Variants in SLCO1A2 observed in about 807,000 individuals in gnomAD.
SLCO1A2 encodes solute carrier organic anion transporter family member 1A2.
A neutral mutation model predicts 69.0 loss-of-function variants in SLCO1A2; 67 were observed. The observed-to-expected ratio is 0.97, with a 90% CI of 0.80 to 1.19. SLCO1A2 has a LOEUF of 1.19. Among genes scored for constraint, SLCO1A2 ranks in the 50% most tolerant of loss-of-function variants. The probability of loss-of-function intolerance (pLI) is 0.00; values close to 1 mark genes in which losing one functional copy is unlikely to be tolerated. For synonymous variants in SLCO1A2, 260 were observed against 265.9 expected, an observed-to-expected ratio of 0.98 and a Z score of 0.22; for missense variants, 787 against 793.7, an observed-to-expected ratio of 0.99 and a Z score of 0.10.
At chr12:21,339,760 C>T (rs574945122), upstream of SLCO1A2, among the ~76,000 whole-genome samples, 1 of 152,002 alleles carries the variant, frequency 6.6e-6, no homozygotes, top group African/African-American at 2.4e-5. Flanking sequence ...TCCCCTTCTC[C>T]ACAACCCCAG....
Position 21,306,315 on chromosome 12 carries a change from G to A in SLCO1A2, c.442+567C>T, listed in dbSNP as rs568375873. Among the ~76,000 whole-genome samples, 7 of 151,918 alleles carry A rather than the reference G, an allele frequency of 4.6e-5. No homozygotes were observed. In the South Asian group the frequency reaches 1.5e-3, roughly 32 times the overall value. On this transcript the variant is annotated intron_variant, in intron 5 of 14. Transcript: ENST00000683939. Reference sequence around the variant, plus strand: ...GGGATGAACTTAACAGTGGTCCTTGGATAGATGTCTTTGACTCTTTTTTTT... The same window carrying A: ...GGGATGAACTTAACAGTGGTCCTTGAATAGATGTCTTTGACTCTTTTTTTT...
At chr12:21,321,309 C>T (rs1285024157) in intron 2 of SLCO1A2, among the ~76,000 whole-genome samples, 2 of 152,160 alleles carry the variant, frequency 1.3e-5, no homozygotes, top group Non-Finnish European at 2.9e-5. Context: ...GAAGTTCATG[C>T]TCATCCATGC....
At chr12:21,295,492 C>A in intron 10 of SLCO1A2, 105 bp downstream of exon 10, 1 of 728,262 alleles carries the variant, frequency 1.4e-6, no homozygotes, top group Non-Finnish European at 2.3e-6. Context: ...GGATTACTAT[C>A]ATTAACTCCA....
intron 2 of SLCO1A2, among the ~76,000 whole-genome samples, chr12:21,323,684 C>T (rs566058188): frequency 1.2e-4 from 18 of 152,238 alleles, no homozygotes; most frequent in African/African-American, 4.1e-4. Context: ...GTATCTTTAT[C>T]CTCTCAGTAG....
chr12:21,266,562 C>T lies in SLCO1A2; in HGVS notation c.*2986G>A, dbSNP rs1439236954. 6.6e-6 allele frequency: 1 copy of T among 151,730 alleles called. No individual in the cohort carries two copies. Among genetic ancestry groups the T allele is most frequent in the Non-Finnish European group, 1.5e-5 (1 of 67,914 alleles). The allele number at this position is 151,730 out of a possible 1,614,324, so 9.4% of individuals were successfully genotyped here. On this transcript the variant is annotated 3_prime_UTR_variant, in exon 15 of 15. Transcript: ENST00000683939. ...TAAATGATTCTGATGGCACTATTTC[C>T]ACCCACAGAAGTCATTCTGGTTCTG...
chr12:21,336,482 T>C (rs1952895227), upstream of SLCO1A2, among the ~76,000 whole-genome samples: 1 of 151,948 alleles, frequency 6.6e-6, no homozygotes, highest in Non-Finnish European at 1.5e-5. Flanking sequence ...AAAACTATTA[T>C]CTTAACTGAA....
intron 2 of SLCO1A2, among the ~76,000 whole-genome samples, chr12:21,341,522 G>C (rs761167883): frequency 6.6e-6 from 1 of 151,948 alleles, no homozygotes. Flanking sequence ...ATGTTTTCTT[G>C]TTTCTCTAAT....
rs763933118 is a variant in SLCO1A2, at chr12:21,276,920, A to G, written c.1611-1496T>C. Among the ~76,000 whole-genome samples the G allele has an allele frequency of 1.3e-5, 2 of 152,354 alleles. 1 individual carries two copies. Among genetic ancestry groups the G allele is most frequent in the South Asian group, 4.1e-4 (2 of 4,834 alleles). ...TTGAGTTCCAGCAAGCCTCGCCACC[A>G]TGGGCAAACGTGCTCTCCCTAAATA... On this transcript the variant is annotated intron_variant, in intron 12 of 14. Coordinates refer to ENST00000683939, the MANE Select transcript of SLCO1A2 (RefSeq NM_001386879.1).
exon 1 of SLCO1A2, chr12:21,395,115 G>C (rs982952011): frequency 6.4e-6 from 1 of 157,088 alleles, no homozygotes; most frequent in Non-Finnish European, 1.4e-5. Context: ...GAGGTACCGG[G>C]TTCATCTCAC....
intron 2 of SLCO1A2, among the ~76,000 whole-genome samples, chr12:21,370,488 C>A (rs1254379999): frequency 8.9e-6 from 1 of 112,114 alleles, no homozygotes; most frequent in Non-Finnish European, 1.7e-5. Flanking sequence ...CCTCCCCCGA[C>A]CCCACAACAG....
chr12:21,366,971 A>G (rs866300607), intron 2 of SLCO1A2, among the ~76,000 whole-genome samples: 1 of 152,080 alleles, frequency 6.6e-6, no homozygotes, highest in South Asian at 2.1e-4. Context: ...TCAGAACTAA[A>G]TAACACAAAT....
intron 1 of SLCO1A2, among the ~76,000 whole-genome samples, chr12:21,402,508 A>C (rs1400096986): frequency 6.6e-6 from 1 of 152,102 alleles, no homozygotes; most frequent in Non-Finnish European, 1.5e-5. Flanking sequence ...AATTTTTTGA[A>C]AGATTTATCA....
At position 21,307,110 on chromosome 12, in the gene SLCO1A2, T is replaced by C. The variant is rs183249164; in HGVS notation, c.336-122A>G. ...AATATCCAAATCCAGTAAAAATGGC[T>C]TTTCATCCTTGGCATCCAAGTTATC... On this transcript the variant is annotated intron_variant, in intron 4 of 14. Transcript: ENST00000683939. 8.5e-4 allele frequency: 510 copies of C among 599,326 alleles called. 6 individuals carry two copies. The East Asian group carries it at 0.015, about 17-fold the overall frequency. 37.1% of individuals were successfully genotyped at this position (599,326 alleles called of 1,614,324 possible).
rs753996080 is a variant in SLCO1A2 at position 21,267,352 on chromosome 12, A to C, written c.*2196T>G. On this transcript the variant is annotated 3_prime_UTR_variant, in exon 15 of 15. Coordinates refer to ENST00000683939, the MANE Select transcript of SLCO1A2 (RefSeq NM_001386879.1). ...GACTCAGCTTTCTCAGATCACCTCA[A>C]ATCTATCAATAGGGATGATGAATGG... 2 of 152,206 alleles carry C rather than the reference A, an allele frequency of 1.3e-5. No homozygotes were observed. The highest frequency in any genetic ancestry group is 2.9e-5 in the Non-Finnish European group (2 of 68,060). The allele number at this position is 152,206 out of a possible 1,614,324, so 9.4% of individuals were successfully genotyped here.
intron 1 of SLCO1A2, among the ~76,000 whole-genome samples, chr12:21,415,612 G>A (rs2137211557): frequency 6.6e-6 from 1 of 151,968 alleles, no homozygotes; most frequent in Admixed American, 6.6e-5. Flanking sequence ...CATTTATTGT[G>A]GACCCCAGTG....
rs191400208 is a variant in SLCO1A2, at chr12:21,382,625, G to T, written c.-189-8100C>A. Among the ~76,000 whole-genome samples the T allele has an allele frequency of 6.5e-3, 992 of 151,852 alleles. 6 individuals carry two copies. The highest frequency in any genetic ancestry group is 0.023 in the African/African-American group (943 of 41,432). ...AGCCTGGACAACATGGTGAAACCCC[G>T]TCTCTACAAAAATACAAAAATTAGC... is the stretch of plus-strand genomic sequence containing the variant. On this transcript the variant is annotated intron_variant, in intron 1 of 15. Transcript: ENST00000307378.
intron 10 of SLCO1A2, 134 bp downstream of exon 10, chr12:21,295,463 A>G (rs1012598290): frequency 3.0e-4 from 189 of 638,038 alleles, no homozygotes; most frequent in Admixed American, 4.2e-4. Flanking sequence ...CAGATGGAGG[A>G]AAGATACAGG....
chr12:21,306,360 CTG>C (rs1485294097), intron 5 of SLCO1A2, among the ~76,000 whole-genome samples: 1 of 151,902 alleles, frequency 6.6e-6, no homozygotes, highest in East Asian at 1.9e-4. Flanking sequence ...GAGTCTCACT[CTG>C]TTGCCCAGGC....
intron 1 of SLCO1A2, among the ~76,000 whole-genome samples, chr12:21,408,282 C>A (rs1279378006): frequency 6.6e-6 from 1 of 152,010 alleles, no homozygotes; most frequent in African/African-American, 2.4e-5. Flanking sequence ...AAAACACATT[C>A]TTTCCTTGCT....
Sources: allele counts gnomAD v4.1 joint callset (sites outside exome capture counted in the v4.1 genomes callset), GRCh38; gene constraint gnomAD v4.1.1; transcripts MANE v1.5; gene names NCBI Gene and HGNC (gene_info 2026-07-23, HGNC 2026-07-21).